The following PLCB4 variants were observed in gnomAD, a reference collection of about 807,000 sequenced individuals.
The protein encoded by PLCB4 is phospholipase C beta 4.
In PLCB4, 77 loss-of-function variants were observed where a neutral mutation model predicts 178.8. That is an observed-to-expected ratio of 0.43 (90% CI 0.36 to 0.52). The LOEUF (loss-of-function observed/expected upper bound fraction) is 0.52. Among genes scored for constraint, PLCB4 ranks in the 20% least tolerant of loss-of-function variants. The pLI is 0.00. For synonymous variants in PLCB4, 496 were observed against 490.8 expected (o/e 1.01, Z -0.14); for missense variants, 1,024 against 1,453.4 (o/e 0.70, Z 4.80).
intron 7 of PLCB4, among the ~76,000 whole-genome samples, chr20:9,361,252 C>A (rs932699871): frequency 6.6e-6 from 1 of 152,100 alleles, no homozygotes; most frequent in African/African-American, 2.4e-5. Context: ...TCACAATGGA[C>A]AGGGAGTCCA....
At chr20:9,074,807 T>TTAAACA (rs1274975867) in intron 1 of PLCB4, among the ~76,000 whole-genome samples, 1 of 123,442 alleles carries the variant, frequency 8.1e-6, no homozygotes, top group Non-Finnish European at 1.7e-5. Context: ...TTTTTTTTTT[T>TTAAACA]AAACAAAACA....
intron 4 of PLCB4, among the ~76,000 whole-genome samples, chr20:9,311,887 G>A (rs1043859711): frequency 6.6e-6 from 1 of 152,170 alleles, no homozygotes; most frequent in Non-Finnish European, 1.5e-5. Context: ...TTGCCGTTAT[G>A]GCAGCCACAT....
chr20:9,163,019 C>G (rs982434207), intron 2 of PLCB4, among the ~76,000 whole-genome samples: 11 of 152,112 alleles, frequency 7.2e-5, no homozygotes, highest in African/African-American at 2.4e-4. Flanking sequence ...TTCAGCATCA[C>G]TGAACCTGGG....
At chr20:9,164,752 T>C (rs2092942567) in intron 2 of PLCB4, among the ~76,000 whole-genome samples, 1 of 152,122 alleles carries the variant, frequency 6.6e-6, no homozygotes. Context: ...CACCAGTCTA[T>C]TCTGTGGTTC....
At chr20:9,385,356 C>T (rs56055815) in intron 14 of PLCB4, among the ~76,000 whole-genome samples, 11 of 152,008 alleles carry the variant, frequency 7.2e-5, no homozygotes, top group African/African-American at 2.2e-4. Flanking sequence ...CCAGATGGGG[C>T]GGCCTGGCAG....
At chr20:9,471,406 A>C (rs1307998080) in intron 36 of PLCB4, among the ~76,000 whole-genome samples, 1 of 152,216 alleles carries the variant, frequency 6.6e-6, no homozygotes, top group Non-Finnish European at 1.5e-5. Flanking sequence ...AGACTAAAGA[A>C]GAGAGAGAAA....
chr20:9,246,073 A>AT (rs1418523679), intron 3 of PLCB4, among the ~76,000 whole-genome samples: 1 of 152,172 alleles, frequency 6.6e-6, no homozygotes, highest in Non-Finnish European at 1.5e-5. Flanking sequence ...AACTTAGATA[A>AT]TTTTATATAG....
At chr20:9,155,309 C>T (rs1351447830) in intron 2 of PLCB4, among the ~76,000 whole-genome samples, 2 of 152,048 alleles carry the variant, frequency 1.3e-5, no homozygotes, top group East Asian at 3.9e-4. Context: ...AATAGTATTC[C>T]ATGGTGTATA....
chr20:9,219,257 C>T (rs1447622495), intron 3 of PLCB4, among the ~76,000 whole-genome samples: 2 of 152,142 alleles, frequency 1.3e-5, no homozygotes, highest in Non-Finnish European at 2.9e-5. Flanking sequence ...ATCACAAGGT[C>T]AGGAGATTGA....
intron 6 of PLCB4, among the ~76,000 whole-genome samples, 157 bp downstream of exon 6, chr20:9,338,224 T>C (rs892350229): frequency 3.9e-5 from 6 of 152,244 alleles, no homozygotes; most frequent in African/African-American, 9.6e-5. Flanking sequence ...GTTGTGGTAA[T>C]GTCACATTTA....
At chr20:9,379,824 T>C (rs1331438021) in intron 12 of PLCB4, among the ~76,000 whole-genome samples, 3 of 152,166 alleles carry the variant, frequency 2.0e-5, no homozygotes, top group African/African-American at 7.2e-5. Context: ...GGAAAAAATG[T>C]ATTCTCTCTC....
chr20:9,249,925 G>T (rs774415947), intron 3 of PLCB4, among the ~76,000 whole-genome samples: 6 of 152,088 alleles, frequency 3.9e-5, no homozygotes, highest in African/African-American at 4.8e-5. Flanking sequence ...GCAAATGAAT[G>T]ATTCTGTATC....
At chr20:9,390,968 G>A (rs1371473461) in intron 17 of PLCB4, among the ~76,000 whole-genome samples, 1 of 152,122 alleles carries the variant, frequency 6.6e-6, no homozygotes, top group African/African-American at 2.4e-5. Flanking sequence ...GCCCCACTTG[G>A]AGACTGATTT....
At chr20:9,115,806 GT>G (rs2091760951) in intron 2 of PLCB4, among the ~76,000 whole-genome samples, 1 of 151,750 alleles carries the variant, frequency 6.6e-6, no homozygotes. Context: ...ACAGGTAGTT[GT>G]TTAGCATTAG....
At chr20:9,086,744 G>T (rs1298706119) in intron 1 of PLCB4, among the ~76,000 whole-genome samples, 1 of 152,124 alleles carries the variant, frequency 6.6e-6, no homozygotes, top group Non-Finnish European at 1.5e-5. Flanking sequence ...AATGAGCTCA[G>T]ATTAGGAGCA....
intron 22 of PLCB4, 30 bp from the exon 23 acceptor site, chr20:9,408,603 C>G (rs776606890): frequency 8.9e-7 from 1 of 1,123,044 alleles, no homozygotes; most frequent in Non-Finnish European, 1.4e-6. Context: ...TGGCAGAGTT[C>G]CTGAATCCAT....
At chr20:9,472,357 A>G (rs542243324) in intron 36 of PLCB4, among the ~76,000 whole-genome samples, 87 of 152,352 alleles carry the variant, frequency 5.7e-4, no homozygotes, top group Non-Finnish European at 1.0e-3. Context: ...TGGTATGCAC[A>G]GGAAAGTTTG....
chr20:9,203,168 C>G (rs2093571748), intron 2 of PLCB4, among the ~76,000 whole-genome samples: 1 of 150,732 alleles, frequency 6.6e-6, no homozygotes, highest in South Asian at 2.1e-4. Context: ...ACTTACTCTT[C>G]TTCTGTTCTC....
intron 2 of PLCB4, among the ~76,000 whole-genome samples, chr20:9,167,362 A>G (rs1173589997): frequency 2.6e-5 from 4 of 152,202 alleles, no homozygotes; most frequent in African/African-American, 9.6e-5. Context: ...TAAGGCATAA[A>G]TTTTAAAAAG....
Sources: gnomAD v4.1 joint callset for allele counts (sites outside exome capture counted in the v4.1 genomes callset) on GRCh38, gnomAD v4.1.1 for gene constraint, MANE v1.5 for transcripts, NCBI Gene and HGNC (gene_info 2026-07-23, HGNC 2026-07-21) for gene names.